GREM2: variants seen among roughly 807,000 people sequenced by gnomAD.
GREM2 encodes gremlin-2.
A neutral mutation model predicts 14.2 loss-of-function variants in GREM2; 11 were observed. That is an observed-to-expected ratio of 0.78 (90% CI 0.49 to 1.28). GREM2 has a LOEUF of 1.28. Ranked by LOEUF, GREM2 falls within the 50% of genes most tolerant of loss-of-function variation. The pLI is 0.00. For synonymous variants in GREM2, 98 were observed against 97.6 expected (o/e 1.00, Z -0.02); for missense variants, 210 against 218.5 (o/e 0.96, Z 0.24).
chr1:240,539,488 T>G (rs564714729), intron 1 of GREM2, among the ~76,000 whole-genome samples: 68 of 152,346 alleles, frequency 4.5e-4, no homozygotes, highest in Non-Finnish European at 5.6e-4. Flanking sequence ...ATTTTTCTTC[T>G]GTTATTAGAT....
chr1:240,492,510 G>T lies in GREM2; in HGVS notation c.*459C>A. 5.5e-6 allele frequency: 1 copy of T among 182,472 alleles called. No homozygotes were observed. The highest frequency in any genetic ancestry group is 1.1e-4 in the South Asian group (1 of 8,884). 11.3% of individuals were successfully genotyped at this position (182,472 alleles called of 1,614,324 possible). A position where few individuals can be genotyped will look rare whatever the true frequency, so the allele number is the denominator to read the frequency against. ...GAGCGCTCCCAGCCAGAGGTCCAGG[G>T]ACCAGCAGGAGAGGTCTGAGGGGCC... On this transcript the variant is annotated 3_prime_UTR_variant, in exon 2 of 2. Coordinates refer to ENST00000318160, the MANE Select transcript of GREM2 (RefSeq NM_022469.4).
At chr1:240,553,634 A>G (rs1678899052) in intron 1 of GREM2, among the ~76,000 whole-genome samples, 2 of 152,220 alleles carry the variant, frequency 1.3e-5, no homozygotes, top group African/African-American at 4.8e-5. Flanking sequence ...GCCATGGCTT[A>G]TTTATATAAC....
At chr1:240,605,605 C>T (rs935683903) in intron 1 of GREM2, among the ~76,000 whole-genome samples, 1 of 152,090 alleles carries the variant, frequency 6.6e-6, no homozygotes, top group African/African-American at 2.4e-5. Flanking sequence ...AAAAACTCTC[C>T]TGCATCTCCT....
intron 1 of GREM2, among the ~76,000 whole-genome samples, chr1:240,530,208 T>C (rs1678320045): frequency 6.6e-6 from 1 of 152,170 alleles, no homozygotes; most frequent in African/African-American, 2.4e-5. Flanking sequence ...AAGCCCCTTT[T>C]CTGGAAGACT....
chr1:240,584,647 C>T (rs1679556286), intron 1 of GREM2, among the ~76,000 whole-genome samples: 1 of 152,030 alleles, frequency 6.6e-6, no homozygotes, highest in Non-Finnish European at 1.5e-5. Context: ...GAGGATAAGG[C>T]TGCAGTGAGC....
intron 1 of GREM2, among the ~76,000 whole-genome samples, chr1:240,578,783 C>T (rs1387819369): frequency 8.8e-6 from 1 of 113,922 alleles, no homozygotes; most frequent in Admixed American, 8.1e-5. Context: ...CACTCAGTCT[C>T]AAAAATAAAA....
At chr1:240,538,308 C>T (rs955238191) in intron 1 of GREM2, among the ~76,000 whole-genome samples, 1 of 152,162 alleles carries the variant, frequency 6.6e-6, no homozygotes, top group African/African-American at 2.4e-5. Context: ...GATTGCTTCT[C>T]TAACAATGCC....
intron 1 of GREM2, among the ~76,000 whole-genome samples, chr1:240,547,217 G>A (rs1229193892): frequency 6.6e-6 from 1 of 151,894 alleles, no homozygotes; most frequent in Non-Finnish European, 1.5e-5. Context: ...AATATGAATG[G>A]AGGCCAGGCA....
intron 1 of GREM2, among the ~76,000 whole-genome samples, chr1:240,577,190 A>C (rs907507858): frequency 2.6e-5 from 4 of 152,222 alleles, no homozygotes; most frequent in Admixed American, 6.5e-5. Context: ...CAGCGTCGAG[A>C]TCAAAATAAA....
rs561790211 is a variant in GREM2 at position 240,562,571 on chromosome 1, T to C, written c.-2+49313A>G. Among the ~76,000 whole-genome samples the C allele has an allele frequency of 1.7e-3, 256 of 152,336 alleles. 2 individuals carry two copies. Among genetic ancestry groups the C allele is most frequent in the Non-Finnish European group, 2.9e-3 (196 of 68,030 alleles). ...ATCCACGCCATTAGTTTAATATTTCTTTGTGGGAAAGACACCAAGAAACAC... is the reference window on the plus strand; with the variant it reads ...ATCCACGCCATTAGTTTAATATTTCCTTGTGGGAAAGACACCAAGAAACAC... On this transcript the variant is annotated intron_variant, in intron 1 of 1. Transcript: ENST00000318160.
chr1:240,507,557 T>C (rs948261124), intron 1 of GREM2, among the ~76,000 whole-genome samples: 2 of 152,106 alleles, frequency 1.3e-5, no homozygotes, highest in Non-Finnish European at 2.9e-5. Context: ...GGTCTCAAAT[T>C]CCTGACCTCA....
chr1:240,552,417 C>T (rs1336609282), intron 1 of GREM2, among the ~76,000 whole-genome samples: 1 of 151,798 alleles, frequency 6.6e-6, no homozygotes, highest in Non-Finnish European at 1.5e-5. Context: ...GTGGTCTGTA[C>T]AAAAAAATTA....
At chr1:240,560,792 T>C (rs1333067461) in intron 1 of GREM2, among the ~76,000 whole-genome samples, 1 of 152,200 alleles carries the variant, frequency 6.6e-6, no homozygotes, top group Non-Finnish European at 1.5e-5. Flanking sequence ...AAAGGCAGTG[T>C]CTCTAGCCGT....
At chr1:240,510,800 T>G (rs1163925847) in intron 1 of GREM2, among the ~76,000 whole-genome samples, 1 of 152,242 alleles carries the variant, frequency 6.6e-6, no homozygotes, top group Non-Finnish European at 1.5e-5. Context: ...GTTTTGTGAT[T>G]ATGCTTCCAG....
Position 240,493,424 on chromosome 1 carries a change from C to A in GREM2, c.52G>T (p.Val18Leu). 1 of 1,612,402 alleles carries A rather than the reference C, an allele frequency of 6.2e-7. No individual in the cohort carries two copies. The highest frequency in any genetic ancestry group is 1.7e-4 in the Middle Eastern group (1 of 6,056). Reference sequence around the variant, plus strand: ...GGCCGGTTCTTCCGGGCTTCCGCCACCTTCACCAGCACCGCCACCAGGAAC... The same window carrying A: ...GGCCGGTTCTTCCGGGCTTCCGCCAACTTCACCAGCACCGCCACCAGGAAC... Reference protein sequence around the residue: ...SLFLVAVLVKVAEARKNRPAG... With the variant: ...SLFLVAVLVKLAEARKNRPAG... Residue 18 changes from valine to leucine, a missense_variant, in exon 2 of 2, where the codon GTG becomes TTG. Coordinates refer to ENST00000318160, the MANE Select transcript of GREM2 (RefSeq NM_022469.4).
chr1:240,492,361 T>G lies in GREM2; in HGVS notation c.*608A>C, dbSNP rs1305464424. 1 of 297,050 alleles carries G rather than the reference T, an allele frequency of 3.4e-6. No individual in the cohort carries two copies. The highest frequency in any genetic ancestry group is 8.3e-5 in the East Asian group (1 of 12,118). The allele number at this position is 297,050 out of a possible 1,614,324, so 18.4% of individuals were successfully genotyped here. On this transcript the variant is annotated 3_prime_UTR_variant, in exon 2 of 2. Transcript: ENST00000318160. ...CGGGAAGCCCACTTCGGGATCCAAG[T>G]GGCTCAAGTTGTCTTCTTGGTATCA... is the stretch of plus-strand genomic sequence containing the variant.
At chr1:240,609,093 G>A (rs1405746228) in intron 1 of GREM2, among the ~76,000 whole-genome samples, 2 of 152,092 alleles carry the variant, frequency 1.3e-5, no homozygotes, top group Non-Finnish European at 2.9e-5. Context: ...ATATCTGAAG[G>A]TAATTAGAGG....
chr1:240,566,293 C>T (rs530115858), intron 1 of GREM2, among the ~76,000 whole-genome samples: 1 of 152,160 alleles, frequency 6.6e-6, no homozygotes, highest in South Asian at 2.1e-4. Flanking sequence ...AATACCCAGG[C>T]TAAACCAGAA....
intron 1 of GREM2, among the ~76,000 whole-genome samples, chr1:240,498,740 A>G (rs554836901): frequency 6.6e-6 from 1 of 152,334 alleles, no homozygotes; most frequent in South Asian, 2.1e-4. Context: ...ACCTTTCAGG[A>G]ATGTTGCCAC....
Sources: gnomAD v4.1 joint callset for allele counts (sites outside exome capture counted in the v4.1 genomes callset) on GRCh38, gnomAD v4.1.1 for gene constraint, MANE v1.5 for transcripts, NCBI Gene and HGNC (gene_info 2026-07-23, HGNC 2026-07-21) for gene names.